ATXN2: variants seen among roughly 807,000 people sequenced by gnomAD.
ATXN2 encodes ataxin-2.
A neutral mutation model predicts 138.6 loss-of-function variants in ATXN2; 37 were observed. The ratio of observed to expected loss-of-function variants is 0.27; its 90% CI spans 0.21 to 0.35. The LOEUF (loss-of-function observed/expected upper bound fraction) is 0.35. ATXN2 is among the 10% of genes least tolerant of loss of function. The pLI is 1.00. For missense variants in ATXN2, 1,216 were observed against 1,480.3 expected (o/e 0.82, Z 2.93); for synonymous variants, 549 against 543.7 (o/e 1.01, Z -0.13).
chr12:111,573,119 G>C (rs900834297), intron 1 of ATXN2, among the ~76,000 whole-genome samples: 5 of 151,634 alleles, frequency 3.3e-5, no homozygotes, highest in African/African-American at 7.2e-5. Context: ...CTAAAGCATG[G>C]TTGATTGAAG....
At chr12:111,546,391 A>C (rs986738109) in intron 5 of ATXN2, among the ~76,000 whole-genome samples, 4 of 152,072 alleles carry the variant, frequency 2.6e-5, no homozygotes, top group Admixed American at 6.6e-5. Context: ...CAACTACTCA[A>C]CTCTATGGCT....
rs1882359658 is a variant in ATXN2, at chr12:111,555,831, A to T, written c.288+52T>A. The T allele has an allele frequency of 6.8e-6, 10 of 1,470,934 alleles. No homozygotes were observed. The South Asian group carries it at 1.1e-4, about 16-fold the overall frequency. 91.1% of individuals were successfully genotyped at this position (1,470,934 alleles called of 1,614,324 possible). The stretch of plus-strand genomic sequence containing the variant: ...CTTGGCATTTGGTCTGTGGTTAGAG[A>T]TCATGTTTTAGCTACTAATTTTCCC... On this transcript the variant is annotated intron_variant, in intron 2 of 24. Transcript: ENST00000673436.
chr12:111,535,755 C>T (rs1456783042), intron 5 of ATXN2, among the ~76,000 whole-genome samples: 3 of 151,910 alleles, frequency 2.0e-5, no homozygotes, highest in African/African-American at 4.8e-5. Flanking sequence ...AATCCCAGCA[C>T]TTTGGGAGGC....
chr12:111,513,319 C>T (rs1690464894), intron 11 of ATXN2, 38 bp downstream of exon 11: 2 of 1,600,398 alleles, frequency 1.2e-6, no homozygotes, highest in Non-Finnish European at 1.7e-6. Flanking sequence ...AGTGTAATGA[C>T]AAAATGAGTA....
At chr12:111,554,988 AAAAC>A (rs776115224) in intron 2 of ATXN2, among the ~76,000 whole-genome samples, 268 of 152,290 alleles carry the variant, frequency 1.8e-3, no homozygotes, top group Non-Finnish European at 3.2e-3. Flanking sequence ...TGATTCTTGT[AAAAC>A]AATCTAATAA....
chr12:111,525,249 G>A lies in ATXN2; in HGVS notation c.639C>T (p.Pro213=), dbSNP rs773662523. 1.9e-6 allele frequency: 3 copies of A among 1,613,612 alleles called. No homozygotes were observed. The highest frequency in any genetic ancestry group is 2.2e-5 in the South Asian group (2 of 90,996). ...TGGCTGTGAGTTCACCTGCATCCCA[G>A]GGCTCCAGGTCCTTCTCTTTGTGTT... ...NGEHKEKDLE[P]WDAGELTANE... The change falls in exon 6 of 25, where the codon CCC becomes CCT. Residue 213 remains proline (P), a synonymous_variant. Transcript: ENST00000673436.
chr12:111,566,537 A>G (rs1031316018), intron 1 of ATXN2, among the ~76,000 whole-genome samples: 1 of 152,168 alleles, frequency 6.6e-6, no homozygotes, highest in Admixed American at 6.5e-5. Flanking sequence ...AACTTTCTAA[A>G]AAGTATTCAC....
rs1215778991 is a variant in ATXN2 at position 111,599,135 on chromosome 12, AGCGGGGAGGC to A, written c.-111_-102del. 1 of 1,217,904 alleles carries A rather than the reference AGCGGGGAGGC, an allele frequency of 8.2e-7. No individual in the cohort carries two copies. The highest frequency in any genetic ancestry group is 1.0e-6 in the Non-Finnish European group (1 of 980,968). The allele number at this position is 1,217,904 out of a possible 1,614,324, so 75.4% of individuals were successfully genotyped here. On this transcript the variant is annotated 5_prime_UTR_variant, in exon 1 of 25. Transcript: ENST00000673436. ...ACGCGGCGGGGACGCGCGGGCGCCG[AGCGGGGAGGC>A]GCGGGTTGGCGCGGCCGGAGGGGCG...
At chr12:111,460,112 C>T (rs969262715) in intron 21 of ATXN2, among the ~76,000 whole-genome samples, 1 of 152,230 alleles carries the variant, frequency 6.6e-6, no homozygotes, top group Non-Finnish European at 1.5e-5. Context: ...GACGGAGTCT[C>T]GCTCTGTTGC....
intron 20 of ATXN2, chr12:111,468,342 A>C (rs1876171743): frequency 6.6e-6 from 1 of 152,268 alleles, no homozygotes; most frequent in East Asian, 1.9e-4. Context: ...CTTGAAAAAA[A>C]TGTTTTCCAA....
intron 1 of ATXN2, among the ~76,000 whole-genome samples, chr12:111,558,197 A>G (rs1202588890): frequency 6.6e-6 from 1 of 152,246 alleles, no homozygotes. Flanking sequence ...CAGGAATGTT[A>G]GCATATCGAA....
intron 5 of ATXN2, among the ~76,000 whole-genome samples, chr12:111,527,277 T>C (rs919509830): frequency 2.6e-5 from 4 of 152,196 alleles, no homozygotes; most frequent in African/African-American, 7.2e-5. Context: ...TGCTGAGGAA[T>C]ATAAGCTCCC....
intron 21 of ATXN2, among the ~76,000 whole-genome samples, chr12:111,464,333 GTT>G (rs367964159): frequency 6.9e-5 from 8 of 116,734 alleles, no homozygotes; most frequent in Non-Finnish European, 1.1e-4. Context: ...GGGTGTGTGT[GTT>G]TGTGTGTGTG....
chr12:111,511,410 T>C (rs1879506767), intron 11 of ATXN2: 1 of 152,182 alleles, frequency 6.6e-6, no homozygotes, highest in South Asian at 2.1e-4. Context: ...CAAAATTTAT[T>C]TCCAGACCAT....
At chr12:111,484,201 T>C (rs1877476017) in intron 18 of ATXN2, among the ~76,000 whole-genome samples, 1 of 152,146 alleles carries the variant, frequency 6.6e-6, no homozygotes. Flanking sequence ...GTTAGCAATC[T>C]AGTAAATTAA....
intron 6 of ATXN2, among the ~76,000 whole-genome samples, chr12:111,524,523 T>C (rs1488752258): frequency 6.6e-6 from 1 of 152,190 alleles, no homozygotes; most frequent in Non-Finnish European, 1.5e-5. Flanking sequence ...CTCCAACTCC[T>C]GGGCTCAAGT....
At chr12:111,503,262 C>A (rs1322793276) in intron 14 of ATXN2, among the ~76,000 whole-genome samples, 1 of 152,230 alleles carries the variant, frequency 6.6e-6, no homozygotes, top group Non-Finnish European at 1.5e-5. Context: ...GTGCAGCATG[C>A]ACTATGCATT....
chr12:111,507,097 A>G, intron 14 of ATXN2, among the ~76,000 whole-genome samples: 1 of 150,320 alleles, frequency 6.7e-6, no homozygotes, highest in African/African-American at 2.5e-5. Flanking sequence ...CCGTCTGGGA[A>G]GTGAGGAGCG....
At chr12:111,594,535 C>T (rs960494704) in intron 1 of ATXN2, among the ~76,000 whole-genome samples, 7 of 152,000 alleles carry the variant, frequency 4.6e-5, no homozygotes, top group African/African-American at 1.4e-4. Context: ...GAGAAAGAAG[C>T]AGTAAAAATA....
Sources: gnomAD v4.1 joint callset for allele counts (sites outside exome capture counted in the v4.1 genomes callset) on GRCh38, gnomAD v4.1.1 for gene constraint, MANE v1.5 for transcripts, NCBI Gene and HGNC (gene_info 2026-07-23, HGNC 2026-07-21) for gene names.